The following CALN1 variants were observed in gnomAD, a reference collection of about 807,000 sequenced individuals.
The protein encoded by CALN1 is calneuron 1, also known as calcium-binding protein 8.
CALN1 carries 17 observed loss-of-function variants against 30.6 expected under a neutral mutation model. That is an observed-to-expected ratio of 0.56 (90% CI 0.38 to 0.83). The LOEUF (loss-of-function observed/expected upper bound fraction) is 0.83, where lower values mean the gene tolerates loss of function less well. CALN1 is among the 40% of genes least tolerant of loss of function. The pLI, the probability that CALN1 is intolerant of heterozygous loss-of-function variation, is 0.00. For missense variants in CALN1, 291 were observed against 354.9 expected (o/e 0.82, Z 1.45); for synonymous variants, 156 against 131.4 (o/e 1.19, Z -1.28).
At chr7:72,497,617 C>A in the CALN1 span, among the ~76,000 whole-genome samples, 26 of 152,216 alleles carry the variant, frequency 1.7e-4, no homozygotes, top group Non-Finnish European at 3.5e-4. Context: ...CAAAACAGAA[C>A]CATGAAACAA....
At chr7:71,850,621 G>T (rs1362327739) in intron 5 of CALN1, among the ~76,000 whole-genome samples, 2 of 152,138 alleles carry the variant, frequency 1.3e-5, no homozygotes, top group Admixed American at 6.5e-5. Flanking sequence ...TTTTTGTAGG[G>T]GGGAGGTTAT....
chr7:72,085,482 A>G (rs954738834), intron 4 of CALN1, among the ~76,000 whole-genome samples: 4 of 140,980 alleles, frequency 2.8e-5, no homozygotes, highest in African/African-American at 7.7e-5. Flanking sequence ...TAACTTTATT[A>G]TAACTATTTA....
chr7:72,323,939 G>C (rs1801082677), intron 2 of CALN1, among the ~76,000 whole-genome samples: 1 of 151,962 alleles, frequency 6.6e-6, no homozygotes, highest in African/African-American at 2.4e-5. Flanking sequence ...AGCTACTCGG[G>C]AGGCTGAGGC....
chr7:71,789,124 C>T lies in CALN1; in HGVS notation c.659-1222G>A, dbSNP rs118031720. Among the ~76,000 whole-genome samples, 176 of 151,822 alleles carry T rather than the reference C, an allele frequency of 1.2e-3. 8 individuals are homozygous for T. In the South Asian group the frequency reaches 0.031, roughly 27 times the overall value. On this transcript the variant is annotated intron_variant, in intron 6 of 6. Coordinates refer to ENST00000395275, the MANE Select transcript of CALN1 (RefSeq NM_031468.4). The stretch of plus-strand genomic sequence containing the variant: ...GGCCACTGGGAGGTTTTTGAAAATG[C>T]AGATTCTTGGCCAGGTTTGGTGGCT...
At chr7:72,312,510 T>C (rs1800123922) in intron 2 of CALN1, among the ~76,000 whole-genome samples, 1 of 152,128 alleles carries the variant, frequency 6.6e-6, no homozygotes, top group Admixed American at 6.6e-5. Context: ...CTGGGCCACT[T>C]TGCAGTTGAG....
At chr7:71,900,695 C>A (rs1224461758) in intron 5 of CALN1, among the ~76,000 whole-genome samples, 1 of 152,172 alleles carries the variant, frequency 6.6e-6, no homozygotes, top group Non-Finnish European at 1.5e-5. Flanking sequence ...TGTCTGTGGT[C>A]ACCTGTGGTT....
intron 3 of CALN1, among the ~76,000 whole-genome samples, chr7:72,224,586 C>G (rs945685090): frequency 6.6e-6 from 1 of 150,998 alleles, no homozygotes; most frequent in African/African-American, 2.4e-5. Context: ...GAGTTTGAGA[C>G]CAGCCTTGCA....
chr7:72,479,122 C>T, the CALN1 span, among the ~76,000 whole-genome samples: 1 of 151,992 alleles, frequency 6.6e-6, no homozygotes, highest in African/African-American at 2.4e-5. Flanking sequence ...CCTCGTGATC[C>T]GCCCACCTCA....
intron 4 of CALN1, among the ~76,000 whole-genome samples, chr7:72,039,730 G>C (rs942840465): frequency 6.6e-6 from 1 of 152,120 alleles, no homozygotes. Context: ...AGGGAAAAGG[G>C]GGCCCAGGCC....
chr7:71,888,073 G>C (rs888363791), intron 5 of CALN1, among the ~76,000 whole-genome samples: 15 of 152,210 alleles, frequency 9.9e-5, no homozygotes, highest in Middle Eastern at 3.4e-3. Flanking sequence ...AGGATCATAG[G>C]GAAGTCTGGG....
intron 3 of CALN1, among the ~76,000 whole-genome samples, chr7:72,253,966 C>G (rs1795740535): frequency 6.6e-6 from 1 of 152,160 alleles, no homozygotes; most frequent in African/African-American, 2.4e-5. Flanking sequence ...GCCTCAAACT[C>G]CTGGCCTCAA....
At chr7:72,115,913 T>C (rs891119903) in intron 3 of CALN1, among the ~76,000 whole-genome samples, 6 of 152,120 alleles carry the variant, frequency 3.9e-5, no homozygotes, top group Admixed American at 3.3e-4. Context: ...AATGATAACA[T>C]GCAATATTTT....
At chr7:72,150,497 G>GT (rs1169708513) in intron 3 of CALN1, among the ~76,000 whole-genome samples, 2 of 152,162 alleles carry the variant, frequency 1.3e-5, no homozygotes, top group Admixed American at 1.3e-4. Flanking sequence ...GACCGGGAGG[G>GT]TAAGAGGCTC....
chr7:72,344,400 T>TA (rs1554381126), intron 2 of CALN1, among the ~76,000 whole-genome samples: 1 of 151,962 alleles, frequency 6.6e-6, no homozygotes, highest in Admixed American at 6.6e-5. Flanking sequence ...AAATATGTTG[T>TA]AAAGTGAAAA....
intron 2 of CALN1, among the ~76,000 whole-genome samples, chr7:72,310,182 A>T (rs1799946808): frequency 6.6e-6 from 1 of 151,886 alleles, no homozygotes; most frequent in Non-Finnish European, 1.5e-5. Flanking sequence ...TTTTCAAGCC[A>T]AAAAGCCCCC....
chr7:72,468,375 G>A, the CALN1 span, among the ~76,000 whole-genome samples: 4 of 152,184 alleles, frequency 2.6e-5, no homozygotes, highest in African/African-American at 9.7e-5. Context: ...GTGCAGAGGT[G>A]TGATCTTGGC....
chr7:72,098,069 A>G (rs1162683208), intron 4 of CALN1, among the ~76,000 whole-genome samples: 1 of 152,182 alleles, frequency 6.6e-6, no homozygotes, highest in Non-Finnish European at 1.5e-5. Context: ...AATACGATGC[A>G]GGGGATGGAA....
chr7:72,175,232 C>A (rs537070304), intron 3 of CALN1, among the ~76,000 whole-genome samples: 2 of 152,084 alleles, frequency 1.3e-5, no homozygotes, highest in African/African-American at 4.8e-5. Flanking sequence ...CGCCACCACA[C>A]CCAGCTAATT....
chr7:72,107,834 T>C (rs1023890627), intron 3 of CALN1, among the ~76,000 whole-genome samples: 5 of 152,290 alleles, frequency 3.3e-5, no homozygotes, highest in East Asian at 1.9e-4. Flanking sequence ...CCACCAGGCA[T>C]TGGGGTTCTC....
Sources: gnomAD v4.1 joint callset for allele counts (sites outside exome capture counted in the v4.1 genomes callset) on GRCh38, gnomAD v4.1.1 for gene constraint, MANE v1.5 for transcripts, NCBI Gene and HGNC (gene_info 2026-07-23, HGNC 2026-07-21) for gene names.